MTMR11: variants seen among roughly 807,000 people sequenced by gnomAD.
The protein encoded by MTMR11 is myotubularin-related protein 11.
MTMR11 carries 89 observed loss-of-function variants against 100.0 expected under a neutral mutation model. The observed-to-expected ratio is 0.89, with a 90% CI of 0.75 to 1.06. The LOEUF (loss-of-function observed/expected upper bound fraction) is 1.06, where lower values mean the gene tolerates loss of function less well. MTMR11 is among the 50% of genes least tolerant of loss of function. MTMR11 has a pLI of 0.00. For synonymous variants in MTMR11, 336 were observed against 326.3 expected (o/e 1.03, Z -0.32); for missense variants, 809 against 873.7 (o/e 0.93, Z 0.93).
chr1:149,931,493 G>T (rs1438396906), intron 12 of MTMR11, 67 bp from the exon 13 acceptor site: 1 of 1,435,648 alleles, frequency 7.0e-7, no homozygotes, highest in East Asian at 2.3e-5. Context: ...AAGAGAATGA[G>T]AAGAGAAATA....
rs782114875 is a variant in MTMR11, at chr1:149,934,421, TC to T, written c.547+26del. On this transcript the variant is annotated intron_variant, in intron 6 of 16. Coordinates refer to ENST00000439741, the MANE Select transcript of MTMR11 (RefSeq NM_001145862.2). ...GCCATCCTCTGCTTTTTCAGACTCT[TC>T]CTTACCCTAAAGCACTCTCACTCAC... The T allele has an allele frequency of 2.5e-6, 4 of 1,613,924 alleles. No individual in the cohort carries two copies. In the South Asian group the frequency reaches 4.4e-5, roughly 18 times the overall value.
chr1:149,928,822 G>C lies in MTMR11; in HGVS notation c.*307C>G. 1.3e-6 allele frequency: 2 copies of C among 1,564,270 alleles called. No individual in the cohort carries two copies. Among genetic ancestry groups the C allele is most frequent in the South Asian group, 2.2e-5 (2 of 89,818 alleles). On this transcript the variant is annotated 3_prime_UTR_variant, in exon 17 of 17. Coordinates refer to ENST00000439741, the MANE Select transcript of MTMR11 (RefSeq NM_001145862.2). ...AGGCGAGGTGAGAATGCGATTTCTA[G>C]GCCATCTTGTTGGGACTGATGAACA...
chr1:149,933,554 T>C (rs1397240267), intron 9 of MTMR11, 24 bp from the exon 10 acceptor site: 1 of 1,613,850 alleles, frequency 6.2e-7, no homozygotes, highest in African/African-American at 1.3e-5. Flanking sequence ...AGTCAGGAAA[T>C]AAGGAGTCTA....
rs370319682 is a variant in MTMR11 at position 149,933,836 on chromosome 1, C to A, written c.771+19G>T. On this transcript the variant is annotated intron_variant, in intron 8 of 16. Coordinates refer to ENST00000439741, the MANE Select transcript of MTMR11 (RefSeq NM_001145862.2). The stretch of plus-strand genomic sequence containing the variant: ...ATGACCCTCTAATCCACAGCCATTA[C>A]CCTAACCATCACACTGACCGGTCCA... 1.6e-4 allele frequency: 252 copies of A among 1,612,648 alleles called. No individual in the cohort carries two copies. Among genetic ancestry groups the A allele is most frequent in the Non-Finnish European group, 2.1e-4 (243 of 1,178,772 alleles).
chr1:149,931,220 T>A (rs782434910), intron 13 of MTMR11, 40 bp downstream of exon 13: 2 of 1,611,552 alleles, frequency 1.2e-6, no homozygotes, highest in African/African-American at 2.7e-5. Flanking sequence ...TCTTACTTCC[T>A]TAGTAATATG....
At position 149,935,348 on chromosome 1, in the gene MTMR11, C is replaced by A. The variant is rs782572763; in HGVS notation, c.276G>T (p.Leu92Phe). ...CCAGGGCAAAATCGTATTCACTGTT[C>A]AAGGGAGTGTCCTAGACGAAACACG... is the stretch of plus-strand genomic sequence containing the variant. ...CGWQWNQDTP[L>F]NSEYDFALVN... The change falls in exon 4 of 17, where the codon TTG (leucine) becomes TTT (phenylalanine). Residue 92 changes from leucine to phenylalanine, a missense_variant. Leu to Phe is a conservative substitution (Grantham distance 22, BLOSUM62 0). Transcript: ENST00000439741. The A allele has an allele frequency of 6.2e-7, 1 of 1,613,656 alleles. No homozygotes were observed. Among genetic ancestry groups the A allele is most frequent in the Non-Finnish European group, 8.5e-7 (1 of 1,179,898 alleles).
intron 10 of MTMR11, 40 bp downstream of exon 10, chr1:149,933,366 G>C: frequency 5.6e-6 from 9 of 1,610,906 alleles, no homozygotes; most frequent in Non-Finnish European, 7.6e-6. Context: ...AGCAGACCTA[G>C]GGGTGAGGGT....
chr1:149,933,554 T>TAAGAG lies in MTMR11; in HGVS notation c.861-25_861-24insCTCTT, dbSNP rs782272892. The TAAGAG allele has an allele frequency of 1.8e-5, 29 of 1,613,850 alleles. No homozygotes were observed. In the African/African-American group the frequency reaches 3.6e-4, roughly 20 times the overall value. On this transcript the variant is annotated intron_variant, in intron 9 of 16. Coordinates refer to ENST00000439741, the MANE Select transcript of MTMR11 (RefSeq NM_001145862.2). ...CTCTGGAGGGGAGGGAGTCAGGAAA[T>TAAGAG]AAGGAGTCTACCCTGAGCACCTAAC...
chr1:149,931,371 T>G lies in MTMR11; in HGVS notation c.1179A>C (p.Ser393=). The change falls in exon 13 of 17, where the codon TCA becomes TCC. Residue 393 remains serine (S), a synonymous_variant. Transcript: ENST00000439741. ...GLLSSLVQLL[S]APEARTLFGF... ...CAAACAGTGTTCGGGCTTCGGGGGC[T>G]GAAAGCAGCTGGACGAGTGAAGAGA... 1 of 1,613,506 alleles carries G rather than the reference T, an allele frequency of 6.2e-7. No homozygotes were observed. The highest frequency in any genetic ancestry group is 2.2e-5 in the East Asian group (1 of 44,842).
chr1:149,929,894 G>A lies in MTMR11; in HGVS notation c.1670C>T (p.Pro557Leu). The part of the protein sequence containing the change: ...RPQPSFMVPG[P>L]PSSVWLFSRG... ...AGAGAAGAGCCACACAGAACTGGGGGGTCCAGGAACCATGAAGCTTGGCTA... is the reference window on the plus strand; with the variant it reads ...AGAGAAGAGCCACACAGAACTGGGGAGTCCAGGAACCATGAAGCTTGGCTA... The change falls in exon 16 of 17, where the codon CCC becomes CTC. Residue 557 changes from proline to leucine, a missense_variant. Physicochemically the swap from Pro to Leu is moderately conservative, Grantham distance 98. Transcript: ENST00000439741. The A allele has an allele frequency of 2.5e-6, 4 of 1,611,910 alleles. No individual in the cohort carries two copies. The highest frequency in any genetic ancestry group is 3.4e-6 in the Non-Finnish European group (4 of 1,178,660).
At position 149,929,676 on chromosome 1, in the gene MTMR11, G is replaced by A; in HGVS notation, c.1888C>T (p.Pro630Ser). The A allele has an allele frequency of 6.2e-7, 1 of 1,613,950 alleles. No homozygotes were observed. Among genetic ancestry groups the A allele is most frequent in the Non-Finnish European group, 8.5e-7 (1 of 1,180,002 alleles). ...PGLLLPGYLG[P>S]QIRLWRRCYL... ...CAGCGTCTCCAGAGCCTGATCTGGG[G>A]TCCCAGATACCCAGGCAGCAGCAGC... The change falls in exon 16 of 17, where the codon CCC (proline) becomes TCC (serine). Residue 630 changes from proline (P) to serine (S), a missense_variant. By Grantham distance (74) the Pro-to-Ser change is moderately conservative. Transcript: ENST00000439741.
Position 149,936,720 on chromosome 1 carries a change from A to C in MTMR11, c.-73T>G, listed in dbSNP as rs2092727332. 2.0e-6 allele frequency: 2 copies of C among 1,013,396 alleles called. No homozygotes were observed. The highest frequency in any genetic ancestry group is 3.0e-6 in the Non-Finnish European group (2 of 657,936). The allele number at this position is 1,013,396 out of a possible 1,614,324, so 62.8% of individuals were successfully genotyped here. ...AAGGATGCTCACCCACCTCGGGGAG[A>C]GGCTGAGTCTTGTTGAGAAGAGGGG... is the stretch of plus-strand genomic sequence containing the variant. On this transcript the variant is annotated 5_prime_UTR_variant, in exon 1 of 17. Coordinates refer to ENST00000439741, the MANE Select transcript of MTMR11 (RefSeq NM_001145862.2).
Position 149,936,653 on chromosome 1 carries a change from T to C in MTMR11, c.-6A>G. The C allele has an allele frequency of 6.5e-7, 1 of 1,534,946 alleles. No homozygotes were observed. The highest frequency in any genetic ancestry group is 8.8e-7 in the Non-Finnish European group (1 of 1,132,144). ...CCCCGGCCCCCCCACCACATTTCTC[T>C]GGCTCCATCCGGGGACACAGCAGTT... On this transcript the variant is annotated 5_prime_UTR_variant, in exon 1 of 17. Transcript: ENST00000439741.
Position 149,935,621 on chromosome 1 carries a change from C to T in MTMR11, c.227G>A (p.Arg76Lys). The change falls in exon 3 of 17, where the codon AGG (arginine) becomes AAG (lysine). Residue 76 changes from arginine (R) to lysine (K), a missense_variant. Coordinates refer to ENST00000439741, the MANE Select transcript of MTMR11 (RefSeq NM_001145862.2). ...CCATCCACAGGGCTGGAAGGTGACC[C>T]TAAAGTTGGTACAGATCAGGGTTCC... is the stretch of plus-strand genomic sequence containing the variant. ...LSGTLICTNF[R>K]VTFQPCGWQW... The T allele has an allele frequency of 6.2e-7, 1 of 1,614,120 alleles. No individual in the cohort carries two copies. The highest frequency in any genetic ancestry group is 1.1e-5 in the South Asian group (1 of 91,086).
intron 8 of MTMR11, 58 bp from the exon 9 acceptor site, chr1:149,933,756 T>C: frequency 6.2e-7 from 1 of 1,610,936 alleles, no homozygotes; most frequent in Non-Finnish European, 8.5e-7. Context: ...CACGCTACCC[T>C]TGCCCCCACA....
intron 10 of MTMR11, among the ~76,000 whole-genome samples, chr1:149,932,645 A>C (rs1279836934): frequency 6.6e-6 from 1 of 152,138 alleles, no homozygotes; most frequent in Admixed American, 6.5e-5. Flanking sequence ...GTGGGAGGTG[A>C]GTAGAAAACA....
In MTMR11 at chr1:149,933,389, T is replaced by A; in HGVS notation, c.985+17A>T. On this transcript the variant is annotated intron_variant, in intron 10 of 16. Transcript: ENST00000439741. ...TAGGGGTGAGGGTGAGGGTTAGGGGTCAAAGGTTATTCTCACCAGGCAGGC... is the reference window on the plus strand; with the variant it reads ...TAGGGGTGAGGGTGAGGGTTAGGGGACAAAGGTTATTCTCACCAGGCAGGC... 1 of 1,613,488 alleles carries A rather than the reference T, an allele frequency of 6.2e-7. No homozygotes were observed. The highest frequency in any genetic ancestry group is 8.5e-7 in the Non-Finnish European group (1 of 1,179,782).
intron 6 of MTMR11, 59 bp downstream of exon 6, chr1:149,934,389 G>T (rs371488248): frequency 1.2e-6 from 2 of 1,613,560 alleles, no homozygotes; most frequent in East Asian, 4.5e-5. Flanking sequence ...TCAGCTCTTT[G>T]TCATCAGCCA....
Position 149,928,865 on chromosome 1 carries a change from A to T in MTMR11, c.*264T>A. The T allele has an allele frequency of 6.2e-7, 1 of 1,613,074 alleles. No homozygotes were observed. Among genetic ancestry groups the T allele is most frequent in the East Asian group, 2.2e-5 (1 of 44,880 alleles). On this transcript the variant is annotated 3_prime_UTR_variant, in exon 17 of 17. Coordinates refer to ENST00000439741, the MANE Select transcript of MTMR11 (RefSeq NM_001145862.2). The stretch of plus-strand genomic sequence containing the variant: ...GATGAACAGCATCTCTGATCTCATG[A>T]TTTAACATCTGGTTATCCAGAAGGG...
Sources: allele counts gnomAD v4.1 joint callset (sites outside exome capture counted in the v4.1 genomes callset), GRCh38; gene constraint gnomAD v4.1.1; transcripts MANE v1.5; gene names NCBI Gene and HGNC (gene_info 2026-07-23, HGNC 2026-07-21).